Variants in PPP1R12A observed in about 807,000 individuals in gnomAD.
PPP1R12A encodes protein phosphatase 1 regulatory subunit 12A.
PPP1R12A carries 19 observed loss-of-function variants against 139.6 expected under a neutral mutation model. The ratio of observed to expected loss-of-function variants is 0.14; its 90% CI spans 0.09 to 0.20. The LOEUF is 0.20. Among genes scored for constraint, PPP1R12A ranks in the 10% least tolerant of loss-of-function variants. The pLI is 1.00. For missense variants in PPP1R12A, 925 were observed against 1,211.5 expected (o/e 0.76, Z 3.51); for synonymous variants, 427 against 420.6 (o/e 1.02, Z -0.19).
At chr12:79,831,450 G>C (rs1286422072) in intron 4 of PPP1R12A, among the ~76,000 whole-genome samples, 1 of 152,092 alleles carries the variant, frequency 6.6e-6, no homozygotes, top group Non-Finnish European at 1.5e-5. Flanking sequence ...GGGCGTAGTG[G>C]CACATGCTTG....
chr12:79,790,104 G>A (rs1056184657), intron 20 of PPP1R12A, among the ~76,000 whole-genome samples: 1 of 151,982 alleles, frequency 6.6e-6, no homozygotes, highest in Non-Finnish European at 1.5e-5. Context: ...GTCTTCACTG[G>A]TTCTCTTTTG....
rs554426204 is a variant in PPP1R12A, at chr12:79,805,909, C to T, written c.1824-141G>A. On this transcript the variant is annotated intron_variant, in intron 13 of 24. Transcript: ENST00000450142. ...AGGTGAGACATCCTTAAATTATGAA[C>T]CAAAAAGCTCACCCAGAGTTGTCAA... 31 of 1,007,922 alleles carry T rather than the reference C, an allele frequency of 3.1e-5. No individual in the cohort carries two copies. In the East Asian group the frequency reaches 8.2e-4, roughly 27 times the overall value. 62.4% of individuals were successfully genotyped at this position (1,007,922 alleles called of 1,614,324 possible).
At chr12:79,834,663 C>T (rs76595471) in intron 3 of PPP1R12A, among the ~76,000 whole-genome samples, 3,911 of 152,212 alleles carry the variant, frequency 0.026, 125 homozygotes, top group Admixed American at 0.1. Context: ...GTTTAAGATG[C>T]CTAACAAATA....
Position 79,842,575 on chromosome 12 carries a change from TTGTGTGTGTGTG to T in PPP1R12A, c.487+2715_487+2726del, listed in dbSNP as rs148792533. 1.4e-3 allele frequency among the ~76,000 whole-genome samples: 202 copies of T among 143,930 alleles called. 1 individual carries two copies. Among genetic ancestry groups the T allele is most frequent in the African/African-American group, 4.4e-3 (178 of 40,162 alleles). The allele number at this position is 143,930 out of a possible 152,430, so 94.4% of individuals were successfully genotyped here. Reference sequence around the variant, plus strand: ...TATAACAAAAATCACATGTGGCACTTTGTGTGTGTGTGTGTGTGTGTGTGTGTGTGTGTGTGT... The same window carrying T: ...TATAACAAAAATCACATGTGGCACTTTGTGTGTGTGTGTGTGTGTGTGTGT... On this transcript the variant is annotated intron_variant, in intron 3 of 24. Transcript: ENST00000450142.
chr12:79,808,095 GA>G (rs1348911728), intron 11 of PPP1R12A, among the ~76,000 whole-genome samples: 91 of 151,372 alleles, frequency 6.0e-4, no homozygotes, highest in African/African-American at 2.1e-3. Flanking sequence ...TCTATAAGCT[GA>G]AAAACAGGAA....
intron 3 of PPP1R12A, among the ~76,000 whole-genome samples, chr12:79,842,082 G>A (rs1232909812): frequency 6.6e-6 from 1 of 152,054 alleles, no homozygotes; most frequent in Non-Finnish European, 1.5e-5. Flanking sequence ...AACTTTGGGA[G>A]GCCAAGATAG....
chr12:79,926,702 G>A (rs1887867639), intron 1 of PPP1R12A, among the ~76,000 whole-genome samples: 1 of 151,068 alleles, frequency 6.6e-6, no homozygotes, highest in Non-Finnish European at 1.5e-5. Context: ...TATTTATTGT[G>A]TACCTACTAA....
rs868231753 is a variant in PPP1R12A, at chr12:79,912,692, T to A, written c.237+22003A>T. 5.2e-3 allele frequency among the ~76,000 whole-genome samples: 693 copies of A among 134,312 alleles called. 4 individuals carry two copies. Among genetic ancestry groups the A allele is most frequent in the Middle Eastern group, 0.038 (10 of 266 alleles). 88.1% of individuals were successfully genotyped at this position (134,312 alleles called of 152,430 possible). A position where few individuals can be genotyped will look rare whatever the true frequency, so the allele number is the denominator to read the frequency against. The stretch of plus-strand genomic sequence containing the variant: ...CTGGGTGACAGAGGAAAGCCTGATT[T>A]AAAAAAAAAAAAAAAAGAAGAAATA... On this transcript the variant is annotated intron_variant, in intron 1 of 24. Transcript: ENST00000450142.
intron 1 of PPP1R12A, among the ~76,000 whole-genome samples, chr12:79,923,277 AAAATAAAT>A (rs948797592): frequency 2.0e-5 from 3 of 152,192 alleles, no homozygotes; most frequent in Non-Finnish European, 4.4e-5. Context: ...TCGTCTCAAA[AAAATAAAT>A]AAATAAATAA....
At chr12:79,806,636 A>G (rs2137059906) in intron 12 of PPP1R12A, among the ~76,000 whole-genome samples, 1 of 152,344 alleles carries the variant, frequency 6.6e-6, no homozygotes, top group South Asian at 2.1e-4. Flanking sequence ...CTGAGCCTGA[A>G]AAACACACTT....
intron 18 of PPP1R12A, among the ~76,000 whole-genome samples, chr12:79,794,255 T>C (rs2137018650): frequency 6.6e-6 from 1 of 152,192 alleles, no homozygotes; most frequent in East Asian, 1.9e-4. Flanking sequence ...TTCCCTTCTT[T>C]GTCATTTATG....
chr12:79,925,615 T>C (rs1038175616), intron 1 of PPP1R12A, among the ~76,000 whole-genome samples: 1 of 152,220 alleles, frequency 6.6e-6, no homozygotes, highest in African/African-American at 2.4e-5. Flanking sequence ...CCATGGTTTC[T>C]ACTGAATGTC....
At chr12:79,896,851 T>C (rs1316116334) in intron 1 of PPP1R12A, among the ~76,000 whole-genome samples, 2 of 152,188 alleles carry the variant, frequency 1.3e-5, no homozygotes, top group African/African-American at 4.8e-5. Flanking sequence ...AGTGTATCAG[T>C]TCTAAAATAG....
chr12:79,919,554 C>CA (rs111334718), intron 1 of PPP1R12A, among the ~76,000 whole-genome samples: 1,327 of 111,982 alleles, frequency 0.012, 8 homozygotes, highest in African/African-American at 0.024. Flanking sequence ...GACTCCATCT[C>CA]AAAAAAAAAA....
At chr12:79,861,730 A>G (rs1263084557) in intron 2 of PPP1R12A, among the ~76,000 whole-genome samples, 3 of 152,052 alleles carry the variant, frequency 2.0e-5, no homozygotes, top group Admixed American at 6.6e-5. Context: ...TCAACCTGCA[A>G]TGTGGGAGCT....
chr12:79,814,815 CAAA>C (rs149384466), intron 9 of PPP1R12A, among the ~76,000 whole-genome samples: 1 of 69,736 alleles, frequency 1.4e-5, no homozygotes, highest in Non-Finnish European at 2.3e-5. Context: ...AACTCTGTCT[CAAA>C]AAAAAAAAAA....
Position 79,934,970 on chromosome 12 carries a change from G to T in PPP1R12A, c.-39C>A. On this transcript the variant is annotated 5_prime_UTR_variant, in exon 1 of 25. Coordinates refer to ENST00000450142, the MANE Select transcript of PPP1R12A (RefSeq NM_002480.3). The stretch of plus-strand genomic sequence containing the variant: ...GCCGGGTCTTCTTATCGCGAGGGGG[G>T]GAAGGGGGAGGCGGAGAGGGAAGAG... 6.5e-7 allele frequency: 1 copy of T among 1,544,178 alleles called. No homozygotes were observed. Among genetic ancestry groups the T allele is most frequent in the Non-Finnish European group, 8.8e-7 (1 of 1,142,220 alleles).
At chr12:79,889,551 T>C (rs1884405530) in intron 1 of PPP1R12A, among the ~76,000 whole-genome samples, 1 of 152,242 alleles carries the variant, frequency 6.6e-6, no homozygotes, top group Admixed American at 6.5e-5. Context: ...ACATTTGTAC[T>C]GTTCACTTGC....
At chr12:79,815,446 G>A (rs922021540) in intron 9 of PPP1R12A, among the ~76,000 whole-genome samples, 2 of 151,762 alleles carry the variant, frequency 1.3e-5, no homozygotes, top group African/African-American at 2.4e-5. Context: ...GCTTAAACCC[G>A]GGAGGCAGAT....
Sources: allele counts gnomAD v4.1 joint callset (sites outside exome capture counted in the v4.1 genomes callset), GRCh38; gene constraint gnomAD v4.1.1; transcripts MANE v1.5; gene names NCBI Gene and HGNC (gene_info 2026-07-23, HGNC 2026-07-21).